XRCC5: variants seen among roughly 807,000 people sequenced by gnomAD.
XRCC5 encodes the protein DNA repair protein Ku80.
XRCC5 carries 12 observed loss-of-function variants against 95.7 expected under a neutral mutation model. That is an observed-to-expected ratio of 0.13 (90% CI 0.08 to 0.20). The LOEUF is 0.20. Among genes scored for constraint, XRCC5 ranks in the 10% least tolerant of loss-of-function variants. The pLI is 1.00. For missense variants in XRCC5, 595 were observed against 873.9 expected, an observed-to-expected ratio of 0.68 and a Z score of 4.02; for synonymous variants, 281 against 290.3, an observed-to-expected ratio of 0.97 and a Z score of 0.33.
intron 4 of XRCC5, 88 bp from the exon 5 acceptor site, chr2:216,118,955 C>A: frequency 1.4e-6 from 2 of 1,397,350 alleles, no homozygotes; most frequent in Non-Finnish European, 2.0e-6. Context: ...CATTTCTAAG[C>A]TTCTCTCCTC....
chr2:216,165,639 A>G (rs1372120375), intron 16 of XRCC5, among the ~76,000 whole-genome samples: 1 of 152,118 alleles, frequency 6.6e-6, no homozygotes, highest in African/African-American at 2.4e-5. Context: ...CCTCCCTAGT[A>G]GTGGTCTTCT....
chr2:216,159,357 CTGT>C (rs201859572), intron 14 of XRCC5, among the ~76,000 whole-genome samples: 1,741 of 152,318 alleles, frequency 0.011, 34 homozygotes, highest in African/African-American at 0.039. Context: ...TTAAGACAGG[CTGT>C]TAAAGCCAGC....
chr2:216,134,455 T>G (rs374809970), intron 10 of XRCC5, among the ~76,000 whole-genome samples: 1 of 151,474 alleles, frequency 6.6e-6, no homozygotes, highest in African/African-American at 2.4e-5. Flanking sequence ...AGACGGAGTT[T>G]GGCTTTTTGT....
At chr2:216,202,468 T>G (rs1689851738) in intron 19 of XRCC5, among the ~76,000 whole-genome samples, 2 of 152,218 alleles carry the variant, frequency 1.3e-5, no homozygotes, top group South Asian at 4.1e-4. Context: ...ATGTATAGAT[T>G]TTTTATTCAT....
intron 16 of XRCC5, 84 bp from the exon 17 acceptor site, chr2:216,190,141 A>G: frequency 8.7e-7 from 1 of 1,153,080 alleles, no homozygotes; most frequent in Middle Eastern, 2.0e-4. Flanking sequence ...GAACTATAAT[A>G]CATACTTATA....
At chr2:216,138,995 A>G (rs1697132649) in intron 12 of XRCC5, among the ~76,000 whole-genome samples, 1 of 152,088 alleles carries the variant, frequency 6.6e-6, no homozygotes, top group African/African-American at 2.4e-5. Context: ...ATGGGTCCCT[A>G]GGGCCTGTAT....
At chr2:216,183,978 G>A (rs1222334189) in intron 16 of XRCC5, among the ~76,000 whole-genome samples, 2 of 151,662 alleles carry the variant, frequency 1.3e-5, no homozygotes, top group East Asian at 3.9e-4. Flanking sequence ...TCTTCAGTCC[G>A]AACTCTTTTA....
At chr2:216,193,131 T>G (rs1689649689) in intron 18 of XRCC5, among the ~76,000 whole-genome samples, 1 of 152,160 alleles carries the variant, frequency 6.6e-6, no homozygotes, top group African/African-American at 2.4e-5. Flanking sequence ...AGGTTTTATC[T>G]CCCTGCTACT....
intron 16 of XRCC5, among the ~76,000 whole-genome samples, chr2:216,168,882 A>G (rs917608148): frequency 1.3e-5 from 2 of 152,254 alleles, no homozygotes; most frequent in Admixed American, 6.5e-5. Flanking sequence ...ATTTTCCCCA[A>G]AGATCACATA....
At chr2:216,115,352 C>G (rs998697946) in intron 2 of XRCC5, among the ~76,000 whole-genome samples, 1 of 152,114 alleles carries the variant, frequency 6.6e-6, no homozygotes, top group African/African-American at 2.4e-5. Flanking sequence ...GAACTTAGTG[C>G]CAGTCCCATA....
chr2:216,161,629 G>C (rs183804580), intron 15 of XRCC5, among the ~76,000 whole-genome samples: 1 of 152,138 alleles, frequency 6.6e-6, no homozygotes, highest in African/African-American at 2.4e-5. Context: ...CAGAATCCTC[G>C]GCTTTCTAAT....
At chr2:216,200,003 A>G (rs1689806408) in intron 19 of XRCC5, among the ~76,000 whole-genome samples, 1 of 151,948 alleles carries the variant, frequency 6.6e-6, no homozygotes, top group Non-Finnish European at 1.5e-5. Context: ...ACATTCATAG[A>G]TAGCAATTGG....
intron 12 of XRCC5, 85 bp downstream of exon 12, chr2:216,138,264 T>C (rs1464903709): frequency 2.2e-5 from 24 of 1,114,954 alleles, no homozygotes; most frequent in Non-Finnish European, 3.1e-5. Flanking sequence ...TGGTTGGGGC[T>C]AGGTATTTAT....
chr2:216,204,475 TCTTACAC>T, intron 20 of XRCC5, 79 bp downstream of exon 20: 3 of 1,478,368 alleles, frequency 2.0e-6, no homozygotes, highest in Non-Finnish European at 2.8e-6. Flanking sequence ...AGGCTGATTA[TCTTACAC>T]TTGTTGCTTA....
rs758041235 is a variant in XRCC5 at position 216,137,074 on chromosome 2, A to G, written c.1114-14A>G. 2 of 1,611,278 alleles carry G rather than the reference A, an allele frequency of 1.2e-6. No homozygotes were observed. The highest frequency in any genetic ancestry group is 1.7e-5 in the Admixed American group (1 of 59,652). On this transcript the variant is annotated splice_polypyrimidine_tract_variant and intron_variant, in intron 10 of 20. Coordinates refer to ENST00000392132, the MANE Select transcript of XRCC5 (RefSeq NM_021141.4). The stretch of plus-strand genomic sequence containing the variant: ...ATGTTGAATATGTGTTAATACATCC[A>G]TCTTTCTTACCAGGCAGCTGCAGTT...
intron 4 of XRCC5, 48 bp from the exon 5 acceptor site, chr2:216,118,995 A>G (rs375440774): frequency 1.2e-4 from 185 of 1,597,606 alleles, no homozygotes; most frequent in Middle Eastern, 7.0e-4. Flanking sequence ...ATTTGTAGAA[A>G]AATAATTCAG....
chr2:216,168,429 T>TA (rs1689093355), intron 16 of XRCC5, among the ~76,000 whole-genome samples: 1 of 152,008 alleles, frequency 6.6e-6, no homozygotes, highest in Non-Finnish European at 1.5e-5. Flanking sequence ...AAAGAAAAAA[T>TA]AAAAAGCACA....
rs751386413 is a variant in XRCC5, at chr2:216,160,148, G to A, written c.1751G>A (p.Gly584Asp). The change falls in exon 15 of 21, where the codon GGC (glycine) becomes GAC (aspartate). Residue 584 changes from glycine to aspartate, a missense_variant. Around this residue, in one of 2 missense-constraint regions of XRCC5, gnomAD observed 309 missense variants for 382.9 expected, o/e 0.81. Coordinates refer to ENST00000392132, the MANE Select transcript of XRCC5 (RefSeq NM_021141.4). Reference sequence around the variant, plus strand: ...TTCAGCGTCTCCAGTCTGGCTGAAGGCAGTGTCACCTCTGTAAGCTAAGCT... The same window carrying A: ...TTCAGCGTCTCCAGTCTGGCTGAAGACAGTGTCACCTCTGTAAGCTAAGCT... ...AHFSVSSLAE[G>D]SVTSVGSVNP... 1.2e-6 allele frequency: 2 copies of A among 1,607,502 alleles called. No homozygotes were observed. Among genetic ancestry groups the A allele is most frequent in the African/African-American group, 2.7e-5 (2 of 74,452 alleles).
At chr2:216,199,810 CTTTTTTT>C (rs375975027) in intron 19 of XRCC5, among the ~76,000 whole-genome samples, 1 of 120,274 alleles carries the variant, frequency 8.3e-6, no homozygotes, top group East Asian at 2.3e-4. Context: ...GCATTGGGAT[CTTTTTTT>C]TTTTTTTTTT....
Sources: allele counts gnomAD v4.1 joint callset (sites outside exome capture counted in the v4.1 genomes callset), GRCh38; gene constraint gnomAD v4.1.1; regional missense constraint gnomAD v4.1.1; transcripts MANE v1.5; gene names NCBI Gene and HGNC (gene_info 2026-07-23, HGNC 2026-07-21).